Variants in SYS1 observed in about 807,000 individuals in gnomAD.
SYS1 encodes the protein protein SYS1 homolog.
In SYS1, 8 loss-of-function variants were observed where a neutral mutation model predicts 17.8. The ratio of observed to expected loss-of-function variants is 0.45; its 90% CI spans 0.26 to 0.81. The LOEUF (loss-of-function observed/expected upper bound fraction) is 0.81. Ranked by LOEUF, SYS1 falls within the 40% of genes least tolerant of loss-of-function variation. The probability of loss-of-function intolerance (pLI) is 0.16; values close to 1 mark genes in which losing one functional copy is unlikely to be tolerated. For synonymous variants in SYS1, 95 were observed against 90.9 expected (o/e 1.05, Z -0.26); for missense variants, 161 against 203.9 (o/e 0.79, Z 1.28).
chr20:45,363,067 C>G (rs991271265), upstream of SYS1: 20 of 984,256 alleles, frequency 2.0e-5, no homozygotes, highest in Non-Finnish European at 2.4e-5. Context: ...GCTGCTTGTA[C>G]CTGGTTCAGG....
chr20:45,362,250 G>A (rs1041069175), upstream of SYS1, among the ~76,000 whole-genome samples: 2 of 152,140 alleles, frequency 1.3e-5, no homozygotes, highest in Admixed American at 6.5e-5. Context: ...GTTCATCTGT[G>A]TCTCAGGGCA....
At position 45,368,079 on chromosome 20, in the gene SYS1, A is replaced by G. The variant is rs1201272363; in HGVS notation, c.*964A>G. ...TTTCCTCTGTGAGGGGCTTGCAGCT[A>G]TCCTTCCTGTGTATACAAATACAGT... On this transcript the variant is annotated 3_prime_UTR_variant, in exon 4 of 4. Coordinates refer to ENST00000243918, the MANE Select transcript of SYS1 (RefSeq NM_033542.4). The G allele has an allele frequency of 1.1e-5, 11 of 985,462 alleles. No individual in the cohort carries two copies. The highest frequency in any genetic ancestry group is 1.1e-4 in the East Asian group (1 of 8,816). 61.0% of individuals were successfully genotyped at this position (985,462 alleles called of 1,614,324 possible).
chr20:45,376,327 G>A (rs535233645), exon 4 of SYS1: 1 of 152,234 alleles, frequency 6.6e-6, no homozygotes, highest in Non-Finnish European at 1.5e-5. Context: ...TGAGGCCTTG[G>A]GCTGCAGATA....
rs1395679299 is a variant in SYS1 at position 45,363,645 on chromosome 20, C to T, written c.114C>T (p.Asp38=). ...GSLGLWLALV[D]GLVRSSPSLD... ...TGGGCCTGTGGCTGGCGCTGGTGGA[C>T]GGGCTAGTGCGAAGCAGCCCCTCGC... Residue 38 remains aspartate, a synonymous_variant, in exon 2 of 4, where the codon GAC becomes GAT. Transcript: ENST00000243918. 1 of 1,577,488 alleles carries T rather than the reference C, an allele frequency of 6.3e-7. No individual in the cohort carries two copies.
exon 4 of SYS1, chr20:45,375,548 T>A (rs1988706365): frequency 1.2e-6 from 2 of 1,604,854 alleles, no homozygotes; most frequent in African/African-American, 2.7e-5. Flanking sequence ...CAGGCACTGT[T>A]TTCCCTGGCA....
downstream of SYS1, among the ~76,000 whole-genome samples, chr20:45,370,777 C>T (rs146974273): frequency 1.9e-4 from 29 of 152,182 alleles, no homozygotes; most frequent in African/African-American, 6.3e-4. Flanking sequence ...CCAGGGACCA[C>T]GGAGTCTCAG....
In SYS1 at chr20:45,368,974, T is replaced by G; in HGVS notation, c.*1859T>G. The G allele has an allele frequency of 2.5e-6, 2 of 813,358 alleles. No individual in the cohort carries two copies. Among genetic ancestry groups the G allele is most frequent in the East Asian group, 2.5e-4 (2 of 8,130 alleles). The allele number at this position is 813,358 out of a possible 1,614,324, so 50.4% of individuals were successfully genotyped here. A position where few individuals can be genotyped will look rare whatever the true frequency, so the allele number is the denominator to read the frequency against. The stretch of plus-strand genomic sequence containing the variant: ...TGATGACAAATCTCTGTCCCCTGAG[T>G]GTTAATTTGATTTTTAGAAATGGCC... On this transcript the variant is annotated 3_prime_UTR_variant, in exon 4 of 4. Coordinates refer to ENST00000243918, the MANE Select transcript of SYS1 (RefSeq NM_033542.4).
At chr20:45,365,285 G>A in intron 2 of SYS1, 1 of 405,870 alleles carries the variant, frequency 2.5e-6, no homozygotes, top group South Asian at 2.1e-5. Context: ...ATGTACAGGA[G>A]CAGATGCCAG....
rs1328945656 is a variant in SYS1 at position 45,363,648 on chromosome 20, G to A, written c.117G>A (p.Gly39=). Residue 39 remains glycine (G), a synonymous_variant, in exon 2 of 4, where the codon GGG becomes GGA. Coordinates refer to ENST00000243918, the MANE Select transcript of SYS1 (RefSeq NM_033542.4). ...SLGLWLALVD[G]LVRSSPSLDQ... The stretch of plus-strand genomic sequence containing the variant: ...GCCTGTGGCTGGCGCTGGTGGACGG[G>A]CTAGTGCGAAGCAGCCCCTCGCTGG... 2 of 1,577,624 alleles carry A rather than the reference G, an allele frequency of 1.3e-6. 1 individual carries two copies. Among genetic ancestry groups the A allele is most frequent in the South Asian group, 2.3e-5 (2 of 86,616 alleles).
At chr20:45,375,133 A>T in exon 4 of SYS1, 2 of 1,613,958 alleles carry the variant, frequency 1.2e-6, no homozygotes, top group Non-Finnish European at 8.5e-7. Flanking sequence ...TCTGCACATC[A>T]CCCTGGGCGC....
downstream of SYS1, among the ~76,000 whole-genome samples, chr20:45,369,596 C>CTTTTTT (rs573922300): frequency 4.0e-4 from 41 of 102,880 alleles, 1 homozygote; most frequent in African/African-American, 1.7e-3. Context: ...CAGAGATTTC[C>CTTTTTT]TTTTTTTTTT....
downstream of SYS1, among the ~76,000 whole-genome samples, chr20:45,372,212 T>C (rs1600752686): frequency 6.6e-6 from 1 of 152,142 alleles, no homozygotes; most frequent in Non-Finnish European, 1.5e-5. Flanking sequence ...CCGGGGCAGG[T>C]GGGATGAGGT....
upstream of SYS1, among the ~76,000 whole-genome samples, chr20:45,362,822 TCTAA>T (rs1258088986): frequency 1.3e-5 from 2 of 152,340 alleles, no homozygotes; most frequent in African/African-American, 4.8e-5. Context: ...GTTATCAGAC[TCTAA>T]CTAGGAGAAA....
downstream of SYS1, chr20:45,374,065 G>A: frequency 6.4e-7 from 1 of 1,562,104 alleles, no homozygotes; most frequent in South Asian, 1.1e-5. Flanking sequence ...GGGGGCGCTG[G>A]TCGTTTGGGG....
chr20:45,374,200 ATTC>A, downstream of SYS1: 1 of 673,432 alleles, frequency 1.5e-6, no homozygotes, highest in Non-Finnish European at 2.7e-6. Context: ...TGGGACTTTC[ATTC>A]TCCCACGAAA....
downstream of SYS1, chr20:45,374,039 G>A (rs1600754750): frequency 6.2e-7 from 1 of 1,607,974 alleles, no homozygotes; most frequent in Non-Finnish European, 8.5e-7. Flanking sequence ...GGTGTTAGGC[G>A]CTAAGACTGT....
chr20:45,363,355 C>A, intron 1 of SYS1, 40 bp downstream of exon 1: 6 of 1,426,364 alleles, frequency 4.2e-6, no homozygotes, highest in East Asian at 5.0e-5. Context: ...GGGCGGGGGC[C>A]GCGCAGGCGG....
At chr20:45,369,317 C>T (rs1988508823), downstream of SYS1, 1 of 152,108 alleles carries the variant, frequency 6.6e-6, no homozygotes, top group African/African-American at 2.4e-5. Context: ...GATGAGGGAG[C>T]TGTAAGGAAC....
chr20:45,367,159 C>T lies in SYS1; in HGVS notation c.*44C>T, dbSNP rs759492850. The T allele has an allele frequency of 6.2e-7, 1 of 1,607,768 alleles. No individual in the cohort carries two copies. Among genetic ancestry groups the T allele is most frequent in the Non-Finnish European group, 8.5e-7 (1 of 1,176,224 alleles). On this transcript the variant is annotated 3_prime_UTR_variant, in exon 4 of 4. Transcript: ENST00000243918. ...TCCTGCTGACACTTGGGCCCCTTAA[C>T]ACCTTGGGCTGCTCAGACCCTCCAG... is the stretch of plus-strand genomic sequence containing the variant.
Sources: allele counts gnomAD v4.1 joint callset (sites outside exome capture counted in the v4.1 genomes callset), GRCh38; gene constraint gnomAD v4.1.1; transcripts MANE v1.5; gene names NCBI Gene and HGNC (gene_info 2026-07-23, HGNC 2026-07-21).